Variants in SUGCT observed in about 807,000 individuals in gnomAD.
The protein encoded by SUGCT is succinyl-CoA:glutarate-CoA transferase, also known as succinyl-CoA:glutarate CoA-transferase.
Under a neutral mutation model 55.0 loss-of-function variants are expected in SUGCT, and 41 were observed. The ratio of observed to expected loss-of-function variants is 0.74; its 90% CI spans 0.58 to 0.97. The LOEUF (loss-of-function observed/expected upper bound fraction) is 0.97. Among genes scored for constraint, SUGCT ranks in the 50% least tolerant of loss-of-function variants. The probability of loss-of-function intolerance (pLI) is 0.00; values close to 1 mark genes in which losing one functional copy is unlikely to be tolerated. For missense variants in SUGCT, 568 were observed against 547.8 expected, an observed-to-expected ratio of 1.04 and a Z score of -0.37; for synonymous variants, 187 against 200.4, an observed-to-expected ratio of 0.93 and a Z score of 0.56.
intron 13 of SUGCT, among the ~76,000 whole-genome samples, chr7:40,778,630 C>T (rs1429505263): frequency 6.6e-6 from 1 of 152,182 alleles, no homozygotes; most frequent in Non-Finnish European, 1.5e-5. Context: ...CATAAGTGAT[C>T]AGAAAATAAT....
chr7:40,631,316 C>T (rs1799778698), intron 12 of SUGCT, among the ~76,000 whole-genome samples: 1 of 152,086 alleles, frequency 6.6e-6, no homozygotes, highest in African/African-American at 2.4e-5. Context: ...ACCCTTTCTT[C>T]CTAAGCTTGG....
the SUGCT span, among the ~76,000 whole-genome samples, chr7:40,973,291 GA>G: frequency 6.6e-6 from 1 of 152,130 alleles, no homozygotes; most frequent in South Asian, 2.1e-4. Flanking sequence ...AAGGCATTCT[GA>G]AAAAACAAAG....
chr7:40,224,016 A>G (rs181924380), intron 6 of SUGCT, among the ~76,000 whole-genome samples: 104 of 152,322 alleles, frequency 6.8e-4, no homozygotes, highest in Non-Finnish European at 5.9e-4. Context: ...ATCCAGCTAT[A>G]GGGAATTGGT....
chr7:40,857,458 A>T (rs1485601206), intron 13 of SUGCT, among the ~76,000 whole-genome samples: 1 of 152,154 alleles, frequency 6.6e-6, no homozygotes, highest in Admixed American at 6.5e-5. Context: ...AGGTAATACC[A>T]TTTTACCAAC....
At chr7:40,427,431 TC>T (rs1213057462) in intron 9 of SUGCT, among the ~76,000 whole-genome samples, 8 of 152,148 alleles carry the variant, frequency 5.3e-5, no homozygotes, top group Admixed American at 5.2e-4. Flanking sequence ...CAATGTCATT[TC>T]CCCCTTAACA....
the SUGCT span, among the ~76,000 whole-genome samples, chr7:41,008,655 G>A: frequency 6.6e-5 from 10 of 151,870 alleles, no homozygotes; most frequent in Non-Finnish European, 8.8e-5. Flanking sequence ...AGCTCTGGAA[G>A]CTTGGGAGGC....
the SUGCT span, among the ~76,000 whole-genome samples, chr7:40,947,967 T>A: frequency 6.6e-6 from 1 of 152,218 alleles, no homozygotes; most frequent in East Asian, 1.9e-4. Context: ...TTATCCAGCA[T>A]GCAGCAGAAC....
At chr7:40,483,479 T>G (rs1791168552) in intron 11 of SUGCT, among the ~76,000 whole-genome samples, 1 of 152,166 alleles carries the variant, frequency 6.6e-6, no homozygotes, top group Non-Finnish European at 1.5e-5. Flanking sequence ...CATAATAAGC[T>G]TATGAGATAG....
At chr7:40,934,481 A>T in the SUGCT span, among the ~76,000 whole-genome samples, 1 of 152,220 alleles carries the variant, frequency 6.6e-6, no homozygotes, top group Non-Finnish European at 1.5e-5. Flanking sequence ...TGGGGCTGTC[A>T]GACAGCGATG....
At chr7:40,902,506 G>A in the SUGCT span, among the ~76,000 whole-genome samples, 3 of 149,950 alleles carry the variant, frequency 2.0e-5, no homozygotes, top group African/African-American at 7.4e-5. Flanking sequence ...CTTGGACCCA[G>A]GAGGCAGAGG....
rs1433928737 is a variant in SUGCT at position 40,335,853 on chromosome 7, A to T, written c.816+18998A>T. 2.6e-5 allele frequency among the ~76,000 whole-genome samples: 4 copies of T among 152,236 alleles called. No individual in the cohort carries two copies. In the East Asian group the frequency reaches 7.7e-4, roughly 29 times the overall value. On this transcript the variant is annotated intron_variant, in intron 9 of 13. Transcript: ENST00000335693. ...TTTTCAAAGGCAATGCTTCCAGTTT[A>T]TGCCCATTCAGTATGATATTGGCTG...
chr7:40,473,641 A>G (rs1324216426), intron 11 of SUGCT, among the ~76,000 whole-genome samples: 2 of 150,750 alleles, frequency 1.3e-5, no homozygotes, highest in Admixed American at 1.3e-4. Flanking sequence ...GAGGAGCAGA[A>G]AAAAAAAATG....
chr7:40,748,546 G>A (rs1229870612), intron 12 of SUGCT, among the ~76,000 whole-genome samples: 1 of 151,528 alleles, frequency 6.6e-6, no homozygotes, highest in Non-Finnish European at 1.5e-5. Flanking sequence ...TATGATTTTT[G>A]TTGTATTTTT....
chr7:40,188,451 A>G, intron 3 of SUGCT, 44 bp from the exon 4 acceptor site: 1 of 1,350,462 alleles, frequency 7.4e-7, no homozygotes, highest in Middle Eastern at 2.2e-4. Context: ...AAAAAAAAAA[A>G]AAAACAAACC....
At chr7:40,194,715 C>CTGCATGTACT (rs1415660804) in intron 5 of SUGCT, among the ~76,000 whole-genome samples, 1 of 152,212 alleles carries the variant, frequency 6.6e-6, no homozygotes, top group Admixed American at 6.5e-5. Context: ...AGAATCCATT[C>CTGCATGTACT]TGCATGTACT....
At chr7:40,796,957 T>C (rs1452311865) in intron 13 of SUGCT, among the ~76,000 whole-genome samples, 1 of 152,084 alleles carries the variant, frequency 6.6e-6, no homozygotes, top group Non-Finnish European at 1.5e-5. Context: ...ATCTGAAAGC[T>C]GAATGTCCAA....
At chr7:40,815,148 A>G (rs1422136077) in intron 13 of SUGCT, among the ~76,000 whole-genome samples, 1 of 152,212 alleles carries the variant, frequency 6.6e-6, no homozygotes, top group African/African-American at 2.4e-5. Context: ...TGGAGTGCAC[A>G]GTGGTCTGAG....
intron 9 of SUGCT, among the ~76,000 whole-genome samples, chr7:40,398,515 C>CTTTTTT (rs138325012): frequency 7.6e-6 from 1 of 130,934 alleles, no homozygotes. Flanking sequence ...ACTTTACTGG[C>CTTTTTT]TTTTTTTTTT....
chr7:40,212,339 T>G (rs1787388591), intron 6 of SUGCT, among the ~76,000 whole-genome samples: 1 of 117,546 alleles, frequency 8.5e-6, no homozygotes, highest in Admixed American at 1.0e-4. Context: ...GCAAGAGGAT[T>G]GCTTGTGCCA....
Sources: gnomAD v4.1 joint callset for allele counts (sites outside exome capture counted in the v4.1 genomes callset) on GRCh38, gnomAD v4.1.1 for gene constraint, MANE v1.5 for transcripts, NCBI Gene and HGNC (gene_info 2026-07-23, HGNC 2026-07-21) for gene names.